The following WNK1 variants were observed in gnomAD, a reference collection of about 807,000 sequenced individuals.
The protein encoded by WNK1 is WNK lysine deficient protein kinase 1.
In WNK1, 38 loss-of-function variants were observed where a neutral mutation model predicts 222.8. The observed-to-expected ratio is 0.17, with a 90% CI of 0.13 to 0.22. The LOEUF is 0.22. WNK1 is among the 10% of genes least tolerant of loss of function. The pLI is 1.00. For missense variants in WNK1, 2,348 were observed against 2,918.4 expected, an observed-to-expected ratio of 0.80 and a Z score of 4.50; for synonymous variants, 1,090 against 1,092.9, an observed-to-expected ratio of 1.00 and a Z score of 0.05.
At chr12:833,877 T>C (rs942879387) in intron 4 of WNK1, among the ~76,000 whole-genome samples, 5 of 152,196 alleles carry the variant, frequency 3.3e-5, no homozygotes, top group Admixed American at 3.3e-4. Context: ...CAGAGCTTGA[T>C]ACTAAGTAAA....
At chr12:780,101 A>G (rs1230099597) in intron 1 of WNK1, among the ~76,000 whole-genome samples, 2 of 152,158 alleles carry the variant, frequency 1.3e-5, no homozygotes, top group Non-Finnish European at 2.9e-5. Flanking sequence ...ATATTTAGGA[A>G]AGAGGATGTA....
At chr12:897,861 A>G (rs1341968139) in intron 25 of WNK1, among the ~76,000 whole-genome samples, 180 bp downstream of exon 25, 3 of 152,246 alleles carry the variant, frequency 2.0e-5, no homozygotes, top group Admixed American at 1.3e-4. Context: ...TTGAGTCTAT[A>G]GAAGTAGACT....
Position 883,564 on chromosome 12 carries a change from C to A in WNK1, c.3659C>A (p.Ser1220Tyr), listed in dbSNP as rs267603708. ...AAGGATGACTATGGCTTTTCAGGTT[C>A]TCAGGTAGGTTCACCACTCCCATAG... ...QGKDDYGFSGSQKLEGEFKQP... is the reference protein window; with the variant it reads ...QGKDDYGFSGYQKLEGEFKQP... Residue 1220 changes from serine to tyrosine, a missense_variant, in exon 16 of 28, where the codon TCT (serine) becomes TAT (tyrosine). Physicochemically the swap from Ser to Tyr is moderately radical, Grantham distance 144. Around this residue, in one of 13 missense-constraint regions of WNK1, gnomAD observed 1,144 missense variants for 1,273.6 expected, o/e 0.90. Coordinates refer to ENST00000315939, the MANE Select transcript of WNK1 (RefSeq NM_018979.4). 1 of 1,614,112 alleles carries A rather than the reference C, an allele frequency of 6.2e-7. No individual in the cohort carries two copies. The highest frequency in any genetic ancestry group is 8.5e-7 in the Non-Finnish European group (1 of 1,179,998).
At chr12:889,066 C>T in intron 20 of WNK1, 74 bp from the exon 21 acceptor site, 1 of 1,084,574 alleles carries the variant, frequency 9.2e-7, no homozygotes, top group Non-Finnish European at 1.4e-6. Flanking sequence ...ACAGTGTGTC[C>T]TATCTAAATT....
At chr12:837,752 C>A (rs1048587741) in intron 4 of WNK1, among the ~76,000 whole-genome samples, 1 of 152,032 alleles carries the variant, frequency 6.6e-6, no homozygotes, top group Non-Finnish European at 1.5e-5. Context: ...CAAAGTCCTT[C>A]TCGGGCCATA....
At chr12:883,326 G>A in intron 15 of WNK1, 69 bp from the exon 16 acceptor site, 1 of 1,555,244 alleles carries the variant, frequency 6.4e-7, no homozygotes, top group Non-Finnish European at 8.9e-7. Context: ...AGATAGGACA[G>A]AAGTCATAAA....
At chr12:795,980 C>T (rs1404497139) in intron 1 of WNK1, among the ~76,000 whole-genome samples, 2 of 152,070 alleles carry the variant, frequency 1.3e-5, no homozygotes, top group Non-Finnish European at 2.9e-5. Flanking sequence ...CTCTGCCTCC[C>T]GGGTTCAAGT....
chr12:791,107 A>G (rs1944786759), intron 1 of WNK1, among the ~76,000 whole-genome samples: 1 of 152,076 alleles, frequency 6.6e-6, no homozygotes, highest in African/African-American at 2.4e-5. Context: ...TTTTTTAAGG[A>G]TTGGCAGATC....
At chr12:882,330 C>G (rs1953241846) in intron 14 of WNK1, among the ~76,000 whole-genome samples, 2 of 152,102 alleles carry the variant, frequency 1.3e-5, no homozygotes, top group Admixed American at 1.3e-4. Context: ...TCCCAAGTAG[C>G]TGGGACTACA....
chr12:825,877 G>A (rs1324219857), intron 2 of WNK1, among the ~76,000 whole-genome samples: 1 of 152,122 alleles, frequency 6.6e-6, no homozygotes, highest in Non-Finnish European at 1.5e-5. Context: ...AACATTTTTA[G>A]TGCTCTTTTT....
At position 753,990 on chromosome 12, in the gene WNK1, C is replaced by A; in HGVS notation, c.425C>A (p.Ala142Asp). The change falls in exon 1 of 28, where the codon GCC (alanine) becomes GAC (aspartate). Residue 142 changes from alanine (A) to aspartate (D), a missense_variant. By Grantham distance (126) the Ala-to-Asp change is moderately radical (BLOSUM62 -2). Transcript: ENST00000315939. The surrounding 1 kb of genome is among the most constrained non-coding windows in gnomAD (Gnocchi z 5.2). ...QVAQQPPAAA[A>D]PGEQAVAGPA... ...GCCCAGCAGCCTCCAGCCGCTGCCG[C>A]CCCTGGGGAACAGGCCGTCGCGGGC... The A allele has an allele frequency of 6.3e-7, 1 of 1,592,196 alleles. No homozygotes were observed.
chr12:856,314 C>T (rs1324599466), intron 4 of WNK1, among the ~76,000 whole-genome samples: 2 of 151,602 alleles, frequency 1.3e-5, no homozygotes, highest in Admixed American at 1.3e-4. Context: ...ATTAGCTGGG[C>T]ATGGTGGCGT....
At chr12:789,312 T>C (rs1465845379) in intron 1 of WNK1, among the ~76,000 whole-genome samples, 1 of 152,162 alleles carries the variant, frequency 6.6e-6, no homozygotes. Flanking sequence ...AGCTTAACAG[T>C]GTACTATGTA....
At chr12:792,840 CAT>C (rs1055512544) in intron 1 of WNK1, among the ~76,000 whole-genome samples, 15 of 151,916 alleles carry the variant, frequency 9.9e-5, no homozygotes, top group African/African-American at 3.6e-4. Flanking sequence ...TATATATAAA[CAT>C]ATTATTCTAT....
intron 1 of WNK1, among the ~76,000 whole-genome samples, chr12:775,065 G>T (rs889165632): frequency 1.3e-5 from 2 of 151,636 alleles, no homozygotes; most frequent in African/African-American, 4.8e-5. Flanking sequence ...TGAATTTCTG[G>T]TTTTTTATCT....
chr12:857,388 A>T, intron 5 of WNK1, 139 bp downstream of exon 5: 1 of 849,258 alleles, frequency 1.2e-6, no homozygotes, highest in Non-Finnish European at 1.9e-6. Context: ...TTTTAAAGGT[A>T]GGGTTTTGTT....
In WNK1 at chr12:884,571, G is replaced by T; in HGVS notation, c.3845-78G>T. ...TCAAAAACAGATATTTATAGGAGCT[G>T]ACTTAGGCTAGCAGACAATCTTTTG... is the stretch of plus-strand genomic sequence containing the variant. On this transcript the variant is annotated intron_variant, in intron 18 of 27. Coordinates refer to ENST00000315939, the MANE Select transcript of WNK1 (RefSeq NM_018979.4). The surrounding 1 kb of genome is among the most constrained non-coding windows in gnomAD (Gnocchi z 5.6). 1 of 1,428,566 alleles carries T rather than the reference G, an allele frequency of 7.0e-7. No homozygotes were observed. Among genetic ancestry groups the T allele is most frequent in the South Asian group, 1.2e-5 (1 of 86,412 alleles). The allele number at this position is 1,428,566 out of a possible 1,614,324, so 88.5% of individuals were successfully genotyped here.
At chr12:839,323 A>G (rs1160778395) in intron 4 of WNK1, among the ~76,000 whole-genome samples, 1 of 152,234 alleles carries the variant, frequency 6.6e-6, no homozygotes, top group Admixed American at 6.5e-5. Flanking sequence ...GCTATCATGT[A>G]TGTCAACACC....
rs1179959434 is a variant in WNK1, at chr12:889,524, AAAT to A, written c.5448+305_5448+307del. On this transcript the variant is annotated intron_variant, in intron 21 of 27. Coordinates refer to ENST00000315939, the MANE Select transcript of WNK1 (RefSeq NM_018979.4). ...AGAGGAGGCTAAATTTTGTCAGATAAAATAATGTTTTGGGCTAGGTGCAGTGGC... is the reference window on the plus strand; with the variant it reads ...AGAGGAGGCTAAATTTTGTCAGATAAAATGTTTTGGGCTAGGTGCAGTGGC... 5.9e-5 allele frequency among the ~76,000 whole-genome samples: 9 copies of A among 152,204 alleles called. No individual in the cohort carries two copies. In the East Asian group the frequency reaches 1.7e-3, roughly 29 times the overall value.
Sources: allele counts gnomAD v4.1 joint callset (sites outside exome capture counted in the v4.1 genomes callset), GRCh38; gene constraint gnomAD v4.1.1; regional missense constraint gnomAD v4.1.1; non-coding constraint Gnocchi (gnomAD v3.1); transcripts MANE v1.5; gene names NCBI Gene and HGNC (gene_info 2026-07-23, HGNC 2026-07-21).